Variants in GPATCH1 observed in about 807,000 individuals in gnomAD.
GPATCH1 encodes G patch domain-containing protein 1.
A neutral mutation model predicts 114.9 loss-of-function variants in GPATCH1; 73 were observed. The observed-to-expected ratio is 0.64, with a 90% CI of 0.53 to 0.77. GPATCH1 has a LOEUF of 0.77. Ranked by LOEUF, GPATCH1 falls within the 30% of genes least tolerant of loss-of-function variation. GPATCH1 has a pLI of 0.00. For missense variants in GPATCH1, 1,058 were observed against 1,144.3 expected (o/e 0.92, Z 1.09); for synonymous variants, 391 against 428.4 (o/e 0.91, Z 1.08).
chr19:33,098,680 G>A (rs1437080324), intron 8 of GPATCH1, among the ~76,000 whole-genome samples: 1 of 152,174 alleles, frequency 6.6e-6, no homozygotes, highest in South Asian at 2.1e-4. Flanking sequence ...AGGTGGTTGT[G>A]AGGATTAAGT....
At chr19:33,112,262 G>A (rs1416717064) in intron 12 of GPATCH1, among the ~76,000 whole-genome samples, 2 of 152,230 alleles carry the variant, frequency 1.3e-5, no homozygotes, top group Non-Finnish European at 1.5e-5. Context: ...CACCATGCCC[G>A]GCCGAGCCAA....
At position 33,109,784 on chromosome 19, in the gene GPATCH1, G is replaced by T. The variant is rs377408883; in HGVS notation, c.1353G>T (p.Gln451His). 12 of 1,606,476 alleles carry T rather than the reference G, an allele frequency of 7.5e-6. No homozygotes were observed. Among genetic ancestry groups the T allele is most frequent in the Non-Finnish European group, 1.0e-5 (12 of 1,176,314 alleles). ...AAGAGAGAATCAAAGAAATGAAGCAGGCAACTGACCTGAAAGCAGCTCAGC... is the reference window on the plus strand; with the variant it reads ...AAGAGAGAATCAAAGAAATGAAGCATGCAACTGACCTGAAAGCAGCTCAGC... ...KDKERIKEMK[Q>H]ATDLKAAQLK... Residue 451 changes from glutamine (Q) to histidine (H), a missense_variant, in exon 11 of 20, where the codon CAG (glutamine) becomes CAT (histidine). Gln to His is a conservative substitution (Grantham distance 24). This residue lies in a region of GPATCH1 where 893 missense variants were observed against 977.4 expected (regional missense o/e 0.91). Transcript: ENST00000170564.
intron 15 of GPATCH1, 125 bp from the exon 16 acceptor site, chr19:33,117,700 G>A: frequency 1.5e-6 from 1 of 685,960 alleles, no homozygotes; most frequent in South Asian, 1.7e-5. Flanking sequence ...GGTGGTGTGT[G>A]GCTATGGATA....
At chr19:33,125,245 C>A (rs570025868) in intron 18 of GPATCH1, 43 bp downstream of exon 18, 2 of 1,563,970 alleles carry the variant, frequency 1.3e-6, no homozygotes, top group Non-Finnish European at 8.7e-7. Context: ...TGGGGTGGGA[C>A]CCGCTGGTCA....
chr19:33,092,636 A>C (rs548028405), intron 3 of GPATCH1, among the ~76,000 whole-genome samples: 8 of 152,170 alleles, frequency 5.3e-5, no homozygotes, highest in Non-Finnish European at 1.2e-4. Context: ...CAATGGTTGG[A>C]CAGGCAGCCA....
rs35914956 is a variant in GPATCH1, at chr19:33,094,236, C to T, written c.520C>T (p.Arg174Ter). 18 of 1,607,550 alleles carry T rather than the reference C, an allele frequency of 1.1e-5. No individual in the cohort carries two copies. Among genetic ancestry groups the T allele is most frequent in the South Asian group, 5.5e-5 (5 of 90,938 alleles). Reference protein sequence around the residue: ...GWKEGQGVGPRVKRRPRRQKP... With the variant: ...GWKEGQGVGP Reference sequence around the variant, plus strand: ...GAAAGAAGGACAAGGAGTTGGTCCTCGAGTAAAGAGACGGCCACGCCGACA... The same window carrying T: ...GAAAGAAGGACAAGGAGTTGGTCCTTGAGTAAAGAGACGGCCACGCCGACA... Residue 174 changes from arginine (R) to a stop codon, truncating the protein, a stop_gained, in exon 5 of 20, where the codon CGA (arginine) becomes TGA (stop). Coordinates refer to ENST00000170564, the MANE Select transcript of GPATCH1 (RefSeq NM_018025.3). LOFTEE classifies it high-confidence loss of function.
intron 15 of GPATCH1, among the ~76,000 whole-genome samples, chr19:33,116,820 C>T (rs1217088569): frequency 1.3e-5 from 2 of 152,124 alleles, no homozygotes; most frequent in East Asian, 1.9e-4. Context: ...TGAGCCACTG[C>T]GCATGGCCAA....
chr19:33,106,636 A>G, intron 9 of GPATCH1, 59 bp from the exon 10 acceptor site: 1 of 1,409,290 alleles, frequency 7.1e-7, no homozygotes, highest in South Asian at 1.2e-5. Context: ...GGTTTTCCTG[A>G]TTAAATCAAA....
rs1972884768 is a variant in GPATCH1 at position 33,113,783 on chromosome 19, T to C, written c.1909T>C (p.Leu637=). 2 of 1,613,682 alleles carry C rather than the reference T, an allele frequency of 1.2e-6. No individual in the cohort carries two copies. Among genetic ancestry groups the C allele is most frequent in the African/African-American group, 2.7e-5 (2 of 74,910 alleles). The part of the protein sequence containing the change: ...DPYPDSTLVG[L]PRVKRDKYSV... ...AATTCCCAGTTCAACTTTAGTTGGC[T>C]TACCAAGAGTGAAGCGTGACAAGTA... The change falls in exon 14 of 20, where the codon TTA becomes CTA. Residue 637 remains leucine (L), a synonymous_variant. Coordinates refer to ENST00000170564, the MANE Select transcript of GPATCH1 (RefSeq NM_018025.3).
At chr19:33,087,040 T>A (rs1294686934) in intron 1 of GPATCH1, among the ~76,000 whole-genome samples, 2 of 152,150 alleles carry the variant, frequency 1.3e-5, no homozygotes, top group African/African-American at 2.4e-5. Context: ...GGCATTTAAT[T>A]TGCATAACAA....
At chr19:33,106,646 A>G in intron 9 of GPATCH1, 49 bp from the exon 10 acceptor site, 1 of 1,465,674 alleles carries the variant, frequency 6.8e-7, no homozygotes, top group Non-Finnish European at 9.5e-7. Context: ...ATTAAATCAA[A>G]CATGATCTTG....
At chr19:33,091,231 G>A (rs558255060) in intron 3 of GPATCH1, among the ~76,000 whole-genome samples, 19 of 151,924 alleles carry the variant, frequency 1.3e-4, no homozygotes, top group Non-Finnish European at 2.2e-4. Flanking sequence ...CTAACACGGT[G>A]AAACCCCGTC....
intron 1 of GPATCH1, among the ~76,000 whole-genome samples, chr19:33,083,223 G>A (rs12977146): frequency 4.8e-5 from 6 of 125,958 alleles, no homozygotes; most frequent in Non-Finnish European, 9.7e-5. Context: ...CAGCCTGGGC[G>A]ACAGAGCGAG....
In GPATCH1 at chr19:33,130,189, T is replaced by G; in HGVS notation, c.*29T>G. ...AATGCTGCCCTGGCTCGTCCTAGAA[T>G]CATTTCTCCTCCATGATGGAAGCCC... is the stretch of plus-strand genomic sequence containing the variant. On this transcript the variant is annotated 3_prime_UTR_variant, in exon 20 of 20. Coordinates refer to ENST00000170564, the MANE Select transcript of GPATCH1 (RefSeq NM_018025.3). 6.5e-7 allele frequency: 1 copy of G among 1,528,398 alleles called. No individual in the cohort carries two copies. The highest frequency in any genetic ancestry group is 9.1e-7 in the Non-Finnish European group (1 of 1,101,930). 94.7% of individuals were successfully genotyped at this position (1,528,398 alleles called of 1,614,324 possible).
chr19:33,105,950 C>T (rs780007879), intron 9 of GPATCH1, among the ~76,000 whole-genome samples: 6 of 151,898 alleles, frequency 4.0e-5, no homozygotes, highest in Admixed American at 1.3e-4. Flanking sequence ...CGGGTTTACG[C>T]GACTCTCCTG....
At chr19:33,123,409 AAAATT>A (rs1007869550) in intron 17 of GPATCH1, among the ~76,000 whole-genome samples, 2 of 151,984 alleles carry the variant, frequency 1.3e-5, no homozygotes, top group South Asian at 2.1e-4. Context: ...TCAAAAAAAA[AAAATT>A]AAAAGAATTT....
chr19:33,130,259 A>G lies in GPATCH1; in HGVS notation c.*99A>G, dbSNP rs1973090199. ...CATTGTACAGAGTGTATTTATATGTAAATTCCTGCTGTAAAATAATTTTTA... is the reference window on the plus strand; with the variant it reads ...CATTGTACAGAGTGTATTTATATGTGAATTCCTGCTGTAAAATAATTTTTA... On this transcript the variant is annotated 3_prime_UTR_variant, in exon 20 of 20. Transcript: ENST00000170564. 1.4e-6 allele frequency: 1 copy of G among 720,762 alleles called. No homozygotes were observed. Among genetic ancestry groups the G allele is most frequent in the Non-Finnish European group, 2.3e-6 (1 of 433,336 alleles). 44.6% of individuals were successfully genotyped at this position (720,762 alleles called of 1,614,324 possible).
intron 19 of GPATCH1, among the ~76,000 whole-genome samples, chr19:33,129,898 C>T (rs556370457): frequency 1.3e-4 from 19 of 149,906 alleles, no homozygotes; most frequent in East Asian, 7.8e-4. Context: ...GAGCTGAGAT[C>T]GCACCACTGC....
intron 19 of GPATCH1, 124 bp downstream of exon 19, chr19:33,126,857 C>T: frequency 3.7e-6 from 3 of 801,354 alleles, no homozygotes; most frequent in Middle Eastern, 6.7e-4. Flanking sequence ...TGGCTCACGC[C>T]TATAATCCCA....
Sources: allele counts gnomAD v4.1 joint callset (sites outside exome capture counted in the v4.1 genomes callset), GRCh38; gene constraint gnomAD v4.1.1; regional missense constraint gnomAD v4.1.1; transcripts MANE v1.5; gene names NCBI Gene and HGNC (gene_info 2026-07-23, HGNC 2026-07-21).